CXADR: variants seen among roughly 807,000 people sequenced by gnomAD.
CXADR encodes coxsackievirus and adenovirus receptor.
Under a neutral mutation model 40.3 loss-of-function variants are expected in CXADR, and 20 were observed. The observed-to-expected ratio is 0.50, with a 90% CI of 0.35 to 0.72. The LOEUF is 0.72. CXADR is among the 30% of genes least tolerant of loss of function. The pLI is 0.01. For missense variants in CXADR, 332 were observed against 449.1 expected (o/e 0.74, Z 2.36); for synonymous variants, 150 against 161.3 (o/e 0.93, Z 0.53).
At chr21:17,577,449 A>T (rs2123369972) in intron 7 of CXADR, among the ~76,000 whole-genome samples, 1 of 152,044 alleles carries the variant, frequency 6.6e-6, no homozygotes, top group East Asian at 1.9e-4. Context: ...TTGGACCTAG[A>T]GATTGTTTTT....
At chr21:17,602,087 A>C in the CXADR span, among the ~76,000 whole-genome samples, 2 of 152,284 alleles carry the variant, frequency 1.3e-5, no homozygotes, top group Non-Finnish European at 2.9e-5. Context: ...ATCAAGGCTA[A>C]TTTAGTTATT....
intron 7 of CXADR, among the ~76,000 whole-genome samples, chr21:17,576,261 A>G (rs1381990416): frequency 6.6e-6 from 1 of 152,134 alleles, no homozygotes; most frequent in African/African-American, 2.4e-5. Flanking sequence ...GGATAACACC[A>G]TAAAAGGAGC....
intron 1 of CXADR, among the ~76,000 whole-genome samples, chr21:17,533,023 T>G (rs1304819590): frequency 6.6e-6 from 1 of 152,192 alleles, no homozygotes; most frequent in Non-Finnish European, 1.5e-5. Flanking sequence ...GCCTTTGAGA[T>G]GTGGATACAG....
At chr21:17,594,408 CAA>C, downstream of CXADR, 1 of 538,168 alleles carries the variant, frequency 1.9e-6, no homozygotes, top group South Asian at 3.3e-5. Context: ...TCATTAAAGA[CAA>C]ACAAAGTTAC....
intron 7 of CXADR, among the ~76,000 whole-genome samples, chr21:17,581,508 C>G (rs1165327942): frequency 1.3e-5 from 2 of 152,138 alleles, no homozygotes; most frequent in Admixed American, 6.5e-5. Context: ...AAGTCTACCT[C>G]TCTTTCAATT....
intron 6 of CXADR, among the ~76,000 whole-genome samples, chr21:17,563,723 C>T (rs576077588): frequency 6.6e-6 from 1 of 151,372 alleles, no homozygotes; most frequent in African/African-American, 2.4e-5. Flanking sequence ...GGGTGGATCA[C>T]GAGGTCAGGA....
intron 7 of CXADR, among the ~76,000 whole-genome samples, chr21:17,589,628 C>G (rs1449489709): frequency 6.6e-6 from 1 of 151,664 alleles, no homozygotes; most frequent in African/African-American, 2.4e-5. Flanking sequence ...ATGGTATTTT[C>G]CACAGCATTT....
chr21:17,565,883 G>T lies in CXADR; in HGVS notation c.*191G>T. 8.0e-7 allele frequency: 1 copy of T among 1,251,218 alleles called. No homozygotes were observed. 77.5% of individuals were successfully genotyped at this position (1,251,218 alleles called of 1,614,324 possible). On this transcript the variant is annotated 3_prime_UTR_variant, in exon 7 of 7. Transcript: ENST00000284878. Reference sequence around the variant, plus strand: ...GAAATAGTTACAGGCACTAAAGTTAGTAAAGAAAAGTTTACCATCTGAAAA... The same window carrying T: ...GAAATAGTTACAGGCACTAAAGTTATTAAAGAAAAGTTTACCATCTGAAAA...
intron 2 of CXADR, among the ~76,000 whole-genome samples, chr21:17,550,174 G>A (rs1367375701): frequency 6.6e-6 from 1 of 152,110 alleles, no homozygotes; most frequent in Non-Finnish European, 1.5e-5. Flanking sequence ...GGCCAATGTG[G>A]TGAAACCCTG....
chr21:17,569,668 C>A lies in CXADR; in HGVS notation c.*3976C>A. The A allele has an allele frequency of 1.0e-6, 1 of 970,040 alleles. No homozygotes were observed. The highest frequency in any genetic ancestry group is 1.2e-6 in the Non-Finnish European group (1 of 816,216). The allele number at this position is 970,040 out of a possible 1,614,324, so 60.1% of individuals were successfully genotyped here. On this transcript the variant is annotated 3_prime_UTR_variant, in exon 7 of 7. Coordinates refer to ENST00000284878, the MANE Select transcript of CXADR (RefSeq NM_001338.5). ...TTTATCTTATAGCAGATAACCCCAG[C>A]CTCTTATTCATTATGGTTAACTTTT...
chr21:17,631,476 AGT>A, the CXADR span, among the ~76,000 whole-genome samples: 1 of 152,224 alleles, frequency 6.6e-6, no homozygotes, highest in Non-Finnish European at 1.5e-5. Context: ...TTTTTACTCA[AGT>A]GTGAGATAGC....
downstream of CXADR, chr21:17,594,473 C>T (rs1238866782): frequency 2.1e-5 from 20 of 966,412 alleles, no homozygotes; most frequent in East Asian, 5.0e-4. Context: ...GGTCTAAATA[C>T]ATTAAAAACC....
chr21:17,541,869 G>A, intron 1 of CXADR: 1 of 203,174 alleles, frequency 4.9e-6, no homozygotes, highest in South Asian at 6.8e-5. Context: ...TTTGATTAAG[G>A]TGATGTATAC....
At chr21:17,516,479 T>G (rs2060463572) in intron 1 of CXADR, among the ~76,000 whole-genome samples, 2 of 152,208 alleles carry the variant, frequency 1.3e-5, no homozygotes, top group African/African-American at 4.8e-5. Flanking sequence ...GGGTTGACAT[T>G]GTAAACTAAT....
At chr21:17,607,687 A>G in the CXADR span, among the ~76,000 whole-genome samples, 2 of 152,300 alleles carry the variant, frequency 1.3e-5, no homozygotes, top group African/African-American at 4.8e-5. Context: ...TCAAAGCACA[A>G]AGTGTTGATT....
chr21:17,612,470 C>T, the CXADR span: 1 of 152,184 alleles, frequency 6.6e-6, no homozygotes, highest in Non-Finnish European at 1.5e-5. Flanking sequence ...TCCTCAGGCG[C>T]CCGCCGAGGG....
chr21:17,608,826 TA>T, the CXADR span: 1 of 767,324 alleles, frequency 1.3e-6, no homozygotes, highest in Non-Finnish European at 1.9e-6. Context: ...TTAAAATGAG[TA>T]AGGAGAAAAT....
the CXADR span, chr21:17,608,794 A>G: frequency 1.7e-6 from 1 of 572,356 alleles, no homozygotes; most frequent in Non-Finnish European, 2.8e-6. Context: ...GGACTCCACC[A>G]CTCCGCCAAC....
chr21:17,617,217 G>A, the CXADR span, among the ~76,000 whole-genome samples: 22 of 152,280 alleles, frequency 1.4e-4, no homozygotes, highest in African/African-American at 5.3e-4. Flanking sequence ...ACTCAAGTGG[G>A]CCAGACACTC....
Sources: allele counts gnomAD v4.1 joint callset (sites outside exome capture counted in the v4.1 genomes callset), GRCh38; gene constraint gnomAD v4.1.1; transcripts MANE v1.5; gene names NCBI Gene and HGNC (gene_info 2026-07-23, HGNC 2026-07-21).